Variants in RB1 observed in about 807,000 individuals in gnomAD.
The protein encoded by RB1 is retinoblastoma-associated protein.
RB1 carries 18 observed loss-of-function variants against 135.4 expected under a neutral mutation model. The ratio of observed to expected loss-of-function variants is 0.13; its 90% CI spans 0.09 to 0.20. The LOEUF (loss-of-function observed/expected upper bound fraction) is 0.20, where lower values mean the gene tolerates loss of function less well. Among genes scored for constraint, RB1 ranks in the 10% least tolerant of loss-of-function variants. RB1 has a pLI of 1.00. For missense variants in RB1, 868 were observed against 1,110.0 expected (o/e 0.78, Z 3.10); for synonymous variants, 365 against 373.2 (o/e 0.98, Z 0.25).
intron 17 of RB1, chr13:48,412,557 T>C (rs921264679): frequency 2.9e-6 from 2 of 695,844 alleles, no homozygotes; most frequent in Non-Finnish European, 5.2e-6. Flanking sequence ...TTTATAAATA[T>C]TTCCTTTTTC....
At chr13:48,337,166 A>G (rs1200333382) in intron 2 of RB1, among the ~76,000 whole-genome samples, 5 of 152,120 alleles carry the variant, frequency 3.3e-5, no homozygotes, top group East Asian at 1.9e-4. Context: ...TTGATTTTGG[A>G]TGGAGAGTTC....
intron 17 of RB1, among the ~76,000 whole-genome samples, chr13:48,422,358 G>A (rs1297077381): frequency 2.6e-5 from 4 of 152,082 alleles, no homozygotes; most frequent in Non-Finnish European, 5.9e-5. Flanking sequence ...CACACATCGG[G>A]GCCTGTCGGG....
intron 17 of RB1, among the ~76,000 whole-genome samples, chr13:48,438,566 T>C (rs750191645): frequency 6.6e-6 from 1 of 152,096 alleles, no homozygotes; most frequent in Non-Finnish European, 1.5e-5. Context: ...GTTTTTTTTT[T>C]CATTAGACTG....
chr13:48,449,603 T>A (rs983695374), intron 17 of RB1, among the ~76,000 whole-genome samples: 5 of 152,046 alleles, frequency 3.3e-5, no homozygotes, highest in African/African-American at 7.2e-5. Context: ...ACAAAAAAAA[T>A]TTCAGAAAAT....
intron 2 of RB1, chr13:48,317,019 G>T (rs1254516156): frequency 3.5e-6 from 2 of 570,572 alleles, no homozygotes; most frequent in South Asian, 2.4e-5. Context: ...GCTTTCCTCC[G>T]AGCCCGAGTT....
chr13:48,376,838 G>A lies in RB1; in HGVS notation c.1216-80G>A, dbSNP rs1465273934. 56 of 1,596,202 alleles carry A rather than the reference G, an allele frequency of 3.5e-5. No individual in the cohort carries two copies. In the South Asian group the frequency reaches 5.0e-4, roughly 14 times the overall value. On this transcript the variant is annotated intron_variant, in intron 12 of 26. Coordinates refer to ENST00000267163, the MANE Select transcript of RB1 (RefSeq NM_000321.3). ...CACATTTTTATGAACAATTTAAAAA[G>A]TCATATATTATGGAGCAGAAAATAT...
chr13:48,383,184 A>G (rs528317426), intron 17 of RB1, among the ~76,000 whole-genome samples: 1 of 152,272 alleles, frequency 6.6e-6, no homozygotes, highest in South Asian at 2.1e-4. Context: ...TGTTAAATAT[A>G]GTAGGATTCA....
At position 48,394,228 on chromosome 13, in the gene RB1, T is replaced by C. The variant is rs979259656; in HGVS notation, c.1695+12785T>C. Among the ~76,000 whole-genome samples the C allele has an allele frequency of 7.5e-4, 115 of 152,320 alleles. 4 individuals carry two copies. Among genetic ancestry groups the C allele is most frequent in the Non-Finnish European group, 1.9e-4 (13 of 68,028 alleles). On this transcript the variant is annotated intron_variant, in intron 17 of 26. Transcript: ENST00000267163. ...GAACATTGCATTCCAGCCCAGATAC[T>C]ATGCTTTTCCCACAGTCTTCGCAAC... is the stretch of plus-strand genomic sequence containing the variant.
At chr13:48,378,407 TTAG>T in intron 13 of RB1, among the ~76,000 whole-genome samples, 1 of 152,160 alleles carries the variant, frequency 6.6e-6, no homozygotes, top group Middle Eastern at 3.4e-3. Context: ...AACACACACA[TTAG>T]CCTAGGCCTA....
chr13:48,458,473 A>G (rs999150079), intron 19 of RB1, among the ~76,000 whole-genome samples: 2 of 152,202 alleles, frequency 1.3e-5, no homozygotes, highest in Admixed American at 6.5e-5. Context: ...ATTGTCAGAT[A>G]TTATCCTTAG....
rs144791381 is a variant in RB1, at chr13:48,317,791, G to A, written c.264+10385G>A. 475 of 366,014 alleles carry A rather than the reference G, an allele frequency of 1.3e-3. 4 individuals are homozygous for A. Among genetic ancestry groups the A allele is most frequent in the African/African-American group, 9.3e-3 (435 of 47,020 alleles). The allele number at this position is 366,014 out of a possible 1,614,324, so 22.7% of individuals were successfully genotyped here. A position where few individuals can be genotyped will look rare whatever the true frequency, so the allele number is the denominator to read the frequency against. ...CTCTGCACCTCATGGCCCTTCTGCC[G>A]GCTGTGGGACCCCCCTGGCCCACTG... On this transcript the variant is annotated intron_variant, in intron 2 of 26. Coordinates refer to ENST00000267163, the MANE Select transcript of RB1 (RefSeq NM_000321.3).
At chr13:48,385,917 AG>A (rs1196200055) in intron 17 of RB1, among the ~76,000 whole-genome samples, 6 of 152,026 alleles carry the variant, frequency 3.9e-5, no homozygotes, top group African/African-American at 1.4e-4. Context: ...TTTATAGAAT[AG>A]GAGCTTTAGG....
intron 2 of RB1, chr13:48,318,353 C>T: frequency 7.0e-7 from 1 of 1,431,110 alleles, no homozygotes; most frequent in Non-Finnish European, 9.4e-7. Context: ...CCCTGGGTTC[C>T]CTGCACCTCT....
At chr13:48,458,736 TA>T (rs1419914913) in intron 19 of RB1, among the ~76,000 whole-genome samples, 1 of 152,228 alleles carries the variant, frequency 6.6e-6, no homozygotes, top group Admixed American at 6.5e-5. Flanking sequence ...AAGAGATATA[TA>T]AAAGGTCTTT....
intron 2 of RB1, among the ~76,000 whole-genome samples, chr13:48,320,913 C>T (rs1952230391): frequency 2.0e-5 from 3 of 152,032 alleles, no homozygotes; most frequent in Admixed American, 2.0e-4. Flanking sequence ...TTAAAAAGGA[C>T]GACGACTATA....
Position 48,480,519 on chromosome 13 carries a change from A to C in RB1, c.*448A>C. 1 of 229,478 alleles carries C rather than the reference A, an allele frequency of 4.4e-6. No homozygotes were observed. The highest frequency in any genetic ancestry group is 8.7e-6 in the Non-Finnish European group (1 of 115,588). 14.2% of individuals were successfully genotyped at this position (229,478 alleles called of 1,614,324 possible). Reference sequence around the variant, plus strand: ...CACCCTTAGAAAATGTGTCCTATCTATCTTCCAAATGCAATTTGATTGACT... The same window carrying C: ...CACCCTTAGAAAATGTGTCCTATCTCTCTTCCAAATGCAATTTGATTGACT... On this transcript the variant is annotated 3_prime_UTR_variant, in exon 27 of 27. Coordinates refer to ENST00000267163, the MANE Select transcript of RB1 (RefSeq NM_000321.3).
chr13:48,317,843 G>A, intron 2 of RB1: 1 of 368,732 alleles, frequency 2.7e-6, no homozygotes, highest in Non-Finnish European at 5.2e-6. Flanking sequence ...CCAGGCGGTG[G>A]GGCCCGCTCC....
chr13:48,427,131 C>A (rs1207968224), intron 17 of RB1, among the ~76,000 whole-genome samples: 2 of 152,190 alleles, frequency 1.3e-5, no homozygotes, highest in African/African-American at 4.8e-5. Context: ...TTCTACCAAA[C>A]CTCACCTCCA....
At chr13:48,309,171 C>G (rs1367420408) in intron 2 of RB1, among the ~76,000 whole-genome samples, 1 of 152,032 alleles carries the variant, frequency 6.6e-6, no homozygotes, top group East Asian at 1.9e-4. Flanking sequence ...AGAATAAATT[C>G]TTATAAGTTG....
Sources: gnomAD v4.1 joint callset for allele counts (sites outside exome capture counted in the v4.1 genomes callset) on GRCh38, gnomAD v4.1.1 for gene constraint, MANE v1.5 for transcripts, NCBI Gene and HGNC (gene_info 2026-07-23, HGNC 2026-07-21) for gene names.